The following DMD variants were observed in gnomAD, a reference collection of about 807,000 sequenced individuals.
DMD encodes dystrophin.
Under a neutral mutation model 330.1 loss-of-function variants are expected in DMD, and 63 were observed. The observed-to-expected ratio is 0.19, with a 90% confidence interval of 0.16 to 0.24. The LOEUF is 0.24. Ranked by LOEUF, DMD falls within the 10% of genes least tolerant of loss-of-function variation. The pLI is 1.00. For synonymous variants in DMD, 1,223 were observed against 959.8 expected (o/e 1.27, Z -5.07); for missense variants, 3,344 against 2,684.1 (o/e 1.25, Z -5.43).
intron 15 of DMD, among the ~76,000 whole-genome samples, chrX:32,573,064 A>G (rs2052609315): frequency 9.0e-6 from 1 of 111,578 alleles, no homozygotes; most frequent in South Asian, 3.7e-4. Flanking sequence ...CAGAACCATG[A>G]GCCAGTTAAA....
chrX:33,234,363 T>C (rs1416800268), intron 1 of DMD, among the ~76,000 whole-genome samples: 1 of 110,407 alleles, frequency 9.1e-6, no homozygotes, highest in Non-Finnish European at 1.9e-5. Context: ...GTGTGTGTGT[T>C]TGTGTGTGCG....
intron 1 of DMD, among the ~76,000 whole-genome samples, chrX:33,094,279 G>A (rs1485193228): frequency 9.0e-6 from 1 of 111,285 alleles, no homozygotes; most frequent in Non-Finnish European, 1.9e-5. Flanking sequence ...TGAGTTCTGG[G>A]AGATACTAAT....
intron 19 of DMD, among the ~76,000 whole-genome samples, chrX:32,497,317 G>T (rs889684068): frequency 8.9e-6 from 1 of 111,939 alleles, no homozygotes; most frequent in Non-Finnish European, 1.9e-5. Context: ...CTATAATCTA[G>T]CACTCAGGGA....
chrX:31,232,827 T>C (rs1380700181), intron 63 of DMD, among the ~76,000 whole-genome samples: 1 of 111,989 alleles, frequency 8.9e-6, no homozygotes, highest in Non-Finnish European at 1.9e-5. Context: ...AGGGATTACA[T>C]ACCAGCTCTG....
At chrX:32,340,677 C>T (rs1055931756) in intron 41 of DMD, among the ~76,000 whole-genome samples, 2 of 111,988 alleles carry the variant, frequency 1.8e-5, no homozygotes, top group African/African-American at 6.5e-5. Context: ...CTTGAATGAT[C>T]TATTAAATTG....
chrX:31,221,491 G>C (rs910716423), intron 64 of DMD, among the ~76,000 whole-genome samples: 2 of 112,338 alleles, frequency 1.8e-5, no homozygotes, highest in African/African-American at 3.2e-5. Context: ...CTCTTCTAGA[G>C]TTACCTAGCT....
At chrX:32,145,213 CTG>C (rs1459507464) in intron 44 of DMD, among the ~76,000 whole-genome samples, 1 of 112,432 alleles carries the variant, frequency 8.9e-6, no homozygotes, top group Non-Finnish European at 1.9e-5. Context: ...AAAGAGATCA[CTG>C]TTAGAAATTT....
At chrX:32,437,101 C>A (rs780291445) in intron 29 of DMD, among the ~76,000 whole-genome samples, 53 of 112,351 alleles carry the variant, frequency 4.7e-4, no homozygotes, top group African/African-American at 1.6e-3. Flanking sequence ...TCACAACCCA[C>A]ATTGAAATGA....
chrX:31,410,600 C>T (rs1255211041), intron 60 of DMD, among the ~76,000 whole-genome samples: 1 of 110,755 alleles, frequency 9.0e-6, no homozygotes, highest in Non-Finnish European at 1.9e-5. Context: ...TTTGCCCTCT[C>T]CCTTTCTCTT....
At chrX:32,111,708 T>A (rs1283701743) in intron 44 of DMD, among the ~76,000 whole-genome samples, 1 of 111,564 alleles carries the variant, frequency 9.0e-6, no homozygotes, top group Non-Finnish European at 1.9e-5. Flanking sequence ...TGGAATTCAA[T>A]GTCAACCACT....
intron 7 of DMD, among the ~76,000 whole-genome samples, chrX:32,751,309 T>C (rs2070777945): frequency 9.0e-6 from 1 of 110,781 alleles, no homozygotes; most frequent in Non-Finnish European, 1.9e-5. Flanking sequence ...GAGAATGAAA[T>C]CCAAGCTGAG....
intron 44 of DMD, among the ~76,000 whole-genome samples, chrX:32,145,846 T>A (rs766451688): frequency 8.9e-6 from 1 of 112,090 alleles, no homozygotes; most frequent in Non-Finnish European, 1.9e-5. Context: ...ATCAAAGGTA[T>A]TTTTCCTATT....
chrX:33,207,190 T>A (rs1025420304), intron 1 of DMD, among the ~76,000 whole-genome samples: 4 of 111,571 alleles, frequency 3.6e-5, no homozygotes, highest in Non-Finnish European at 7.5e-5. Flanking sequence ...GAGCCAAATG[T>A]ATTTTTTTGG....
chrX:32,347,286 C>A (rs777661826), intron 38 of DMD, among the ~76,000 whole-genome samples: 2 of 111,430 alleles, frequency 1.8e-5, no homozygotes, highest in East Asian at 5.6e-4. Context: ...GGGCTGAGGA[C>A]AAAAACAACA....
At chrX:31,475,678 T>C (rs2067688749) in intron 59 of DMD, among the ~76,000 whole-genome samples, 1 of 112,087 alleles carries the variant, frequency 8.9e-6, no homozygotes, top group South Asian at 3.7e-4. Flanking sequence ...AACCCTTAGT[T>C]TTCCAGTACA....
intron 48 of DMD, among the ~76,000 whole-genome samples, chrX:31,850,800 C>T (rs773497932): frequency 1.2e-3 from 130 of 112,399 alleles, no homozygotes; most frequent in African/African-American, 4.1e-3. Flanking sequence ...TTGTTTGTTA[C>T]TGCAGCAAGA....
chrX:31,437,908 A>G (rs916927236), intron 60 of DMD, among the ~76,000 whole-genome samples: 1 of 108,475 alleles, frequency 9.2e-6, no homozygotes, highest in Non-Finnish European at 1.9e-5. Flanking sequence ...TACATATTAC[A>G]TGTGTATATA....
At chrX:32,788,466 A>C (rs920609464) in intron 7 of DMD, among the ~76,000 whole-genome samples, 4 of 112,173 alleles carry the variant, frequency 3.6e-5, no homozygotes, top group African/African-American at 9.7e-5. Context: ...CCATCCAATG[A>C]TACAAAGATT....
At chrX:31,882,996 T>C (rs937893041) in intron 47 of DMD, among the ~76,000 whole-genome samples, 1 of 111,382 alleles carries the variant, frequency 9.0e-6, no homozygotes, top group African/African-American at 3.3e-5. Context: ...AATAAATATA[T>C]ACATATATGC....
Sources: gnomAD v4.1 joint callset for allele counts (sites outside exome capture counted in the v4.1 genomes callset) on GRCh38, gnomAD v4.1.1 for gene constraint, MANE v1.5 for transcripts, NCBI Gene and HGNC (gene_info 2026-07-23, HGNC 2026-07-21) for gene names.